The following CSMD1 variants were observed in gnomAD, a reference collection of about 807,000 sequenced individuals.
CSMD1 encodes CUB and Sushi multiple domains 1, also known as CUB and sushi domain-containing protein 1.
A neutral mutation model predicts 417.5 loss-of-function variants in CSMD1; 213 were observed. That is an observed-to-expected ratio of 0.51 (90% CI 0.46 to 0.57). The LOEUF (loss-of-function observed/expected upper bound fraction) is 0.57. CSMD1 is among the 20% of genes least tolerant of loss of function. CSMD1 has a pLI of 0.00. For missense variants in CSMD1, 6,923 were observed against 4,529.7 expected, an observed-to-expected ratio of 1.53 and a Z score of -15.17; for synonymous variants, 2,862 against 1,736.8, an observed-to-expected ratio of 1.65 and a Z score of -16.11.
intron 7 of CSMD1, among the ~76,000 whole-genome samples, chr8:3,619,527 T>C (rs957953130): frequency 6.6e-6 from 1 of 152,100 alleles, no homozygotes; most frequent in Non-Finnish European, 1.5e-5. Flanking sequence ...CAATTATAGA[T>C]ATGAATTTAA....
intron 5 of CSMD1, among the ~76,000 whole-genome samples, chr8:3,781,027 G>C (rs1253391375): frequency 6.6e-6 from 1 of 152,190 alleles, no homozygotes; most frequent in Non-Finnish European, 1.5e-5. Flanking sequence ...TATTTCGTAG[G>C]GGAAACTGAA....
Position 3,214,490 on chromosome 8 carries a change from C to A in CSMD1, c.4867+7G>T, listed in dbSNP as rs893017735. ...TATTTCTAGAAAATACCCAAGCGTG[C>A]ACTCACCATTGCAGGAGGGCAGCAC... On this transcript the variant is annotated splice_region_variant and intron_variant, in intron 30 of 69. Transcript: ENST00000635120. 8.2e-6 allele frequency: 13 copies of A among 1,577,708 alleles called. No homozygotes were observed. Among genetic ancestry groups the A allele is most frequent in the Non-Finnish European group, 9.5e-6 (11 of 1,162,592 alleles).
At chr8:4,587,568 C>A (rs1389628815) in intron 2 of CSMD1, among the ~76,000 whole-genome samples, 2 of 151,938 alleles carry the variant, frequency 1.3e-5, no homozygotes, top group East Asian at 1.9e-4. Flanking sequence ...TGATACAGAA[C>A]CTTTCCTAGA....
chr8:4,505,458 G>A (rs1407322786), intron 2 of CSMD1, among the ~76,000 whole-genome samples: 1 of 151,936 alleles, frequency 6.6e-6, no homozygotes, highest in Non-Finnish European at 1.5e-5. Flanking sequence ...GTAATAATTG[G>A]TATTTTATTT....
intron 37 of CSMD1, among the ~76,000 whole-genome samples, chr8:3,172,472 T>C (rs1031832183): frequency 6.6e-6 from 1 of 152,190 alleles, no homozygotes; most frequent in African/African-American, 2.4e-5. Flanking sequence ...TAACCAGATT[T>C]AGGTGTTTTC....
At chr8:4,326,840 A>T (rs1799589751) in intron 3 of CSMD1, among the ~76,000 whole-genome samples, 1 of 152,162 alleles carries the variant, frequency 6.6e-6, no homozygotes, top group Admixed American at 6.6e-5. Context: ...TGAAAAAAAA[A>T]GGTCACAGGT....
At chr8:3,832,907 A>G (rs980047297) in intron 5 of CSMD1, among the ~76,000 whole-genome samples, 1 of 152,214 alleles carries the variant, frequency 6.6e-6, no homozygotes, top group Non-Finnish European at 1.5e-5. Flanking sequence ...TAAGCAACAC[A>G]AATAGGAGTA....
At chr8:4,013,106 G>A (rs912072633) in intron 4 of CSMD1, among the ~76,000 whole-genome samples, 1 of 151,926 alleles carries the variant, frequency 6.6e-6, no homozygotes, top group Admixed American at 6.6e-5. Flanking sequence ...TGTGTCACAC[G>A]ATGTCGTTTT....
At chr8:3,090,314 T>A (rs1368099028) in intron 48 of CSMD1, among the ~76,000 whole-genome samples, 1 of 45,120 alleles carries the variant, frequency 2.2e-5, no homozygotes, top group Non-Finnish European at 3.7e-5. Context: ...CAGACTGTAT[T>A]TCAAAAAAAA....
chr8:4,912,715 A>G (rs62488170), intron 1 of CSMD1, among the ~76,000 whole-genome samples: 11,027 of 152,262 alleles, frequency 0.072, 504 homozygotes, highest in African/African-American at 0.095. Flanking sequence ...GAAACAGAAT[A>G]ACCACCAGTG....
At chr8:4,017,920 C>G (rs1421792790) in intron 4 of CSMD1, among the ~76,000 whole-genome samples, 3 of 152,118 alleles carry the variant, frequency 2.0e-5, no homozygotes, top group East Asian at 3.9e-4. Flanking sequence ...TCTGATGACT[C>G]CAATCATAAA....
At position 4,616,803 on chromosome 8, in the gene CSMD1, A is replaced by C. The variant is rs955144318; in HGVS notation, c.302+20539T>G. ...CCTTATTTGTAGAATCCAGAGGAAA[A>C]AACTAAAGACAAGAAACTCATTTTG... On this transcript the variant is annotated intron_variant, in intron 2 of 69. Coordinates refer to ENST00000635120, the MANE Select transcript of CSMD1 (RefSeq NM_033225.6). Among the ~76,000 whole-genome samples the C allele has an allele frequency of 2.6e-5, 4 of 152,338 alleles. No homozygotes were observed. In the South Asian group the frequency reaches 8.3e-4, roughly 32 times the overall value.
At chr8:4,154,298 G>C (rs1044814275) in intron 3 of CSMD1, among the ~76,000 whole-genome samples, 1 of 152,198 alleles carries the variant, frequency 6.6e-6, no homozygotes, top group Non-Finnish European at 1.5e-5. Context: ...AGATGTTTCT[G>C]TTCTCAGCTT....
At chr8:3,819,901 T>G (rs540841006) in intron 5 of CSMD1, among the ~76,000 whole-genome samples, 1 of 152,288 alleles carries the variant, frequency 6.6e-6, no homozygotes, top group South Asian at 2.1e-4. Context: ...AGTGCTATAA[T>G]AGAGGCAGAC....
intron 1 of CSMD1, among the ~76,000 whole-genome samples, chr8:4,811,944 A>G (rs767672432): frequency 2.0e-5 from 3 of 152,222 alleles, no homozygotes; most frequent in Non-Finnish European, 2.9e-5. Flanking sequence ...GCGCATTAGA[A>G]TAAGTCATAG....
At chr8:3,885,154 A>G (rs1806471038) in intron 5 of CSMD1, among the ~76,000 whole-genome samples, 1 of 152,062 alleles carries the variant, frequency 6.6e-6, no homozygotes, top group Non-Finnish European at 1.5e-5. Context: ...CCATCTCGTG[A>G]CTGTATCAGC....
intron 2 of CSMD1, among the ~76,000 whole-genome samples, chr8:4,485,648 G>C (rs535908011): frequency 6.6e-6 from 1 of 151,972 alleles, no homozygotes; most frequent in African/African-American, 2.4e-5. Flanking sequence ...GTATGCTATC[G>C]CAGAGCCCAG....
chr8:3,308,349 G>C lies in CSMD1; in HGVS notation c.3786C>G (p.Asp1262Glu). The C allele has an allele frequency of 6.2e-7, 1 of 1,613,338 alleles. No homozygotes were observed. The highest frequency in any genetic ancestry group is 8.5e-7 in the Non-Finnish European group (1 of 1,179,500). The change falls in exon 24 of 70, where the codon GAC becomes GAG. Residue 1262 changes from aspartate (D) to glutamate (E), a missense_variant. Asp to Glu is a conservative substitution (Grantham distance 45). Coordinates refer to ENST00000635120, the MANE Select transcript of CSMD1 (RefSeq NM_033225.6). ...GSNTLTCLSGDRRVWDKPLPS... is the reference protein window; with the variant it reads ...GSNTLTCLSGERRVWDKPLPS... ...GTAGTGGTTTGTCCCACACTCTCCT[G>C]TCTCCACTCAAACAGGTCAGGGTGT...
At chr8:4,041,172 A>C (rs7814739) in intron 3 of CSMD1, among the ~76,000 whole-genome samples, 1 of 150,586 alleles carries the variant, frequency 6.6e-6, no homozygotes, top group African/African-American at 2.4e-5. Flanking sequence ...GCCCGCCACC[A>C]CGCCCGGCTA....
Sources: gnomAD v4.1 joint callset for allele counts (sites outside exome capture counted in the v4.1 genomes callset) on GRCh38, gnomAD v4.1.1 for gene constraint, MANE v1.5 for transcripts, NCBI Gene and HGNC (gene_info 2026-07-23, HGNC 2026-07-21) for gene names.